OAT: variants seen among roughly 807,000 people sequenced by gnomAD.
The protein encoded by OAT is ornithine aminotransferase, mitochondrial.
A neutral mutation model predicts 48.4 loss-of-function variants in OAT; 35 were observed. That is an observed-to-expected ratio of 0.72 (90% CI 0.55 to 0.96). OAT has a LOEUF of 0.96. OAT is among the 40% of genes least tolerant of loss of function. OAT has a pLI of 0.00. For synonymous variants in OAT, 182 were observed against 198.4 expected (o/e 0.92, Z 0.70); for missense variants, 438 against 537.9 (o/e 0.81, Z 1.84).
intron 1 of OAT, among the ~76,000 whole-genome samples, chr10:124,413,838 T>G (rs557917437): frequency 6.6e-6 from 1 of 152,058 alleles, no homozygotes; most frequent in Non-Finnish European, 1.5e-5. Context: ...CCCCATCACA[T>G]AAGTCAGAGC....
chr10:124,417,307 T>C lies in OAT; in HGVS notation c.-30+1566A>G, dbSNP rs946218723. Reference sequence around the variant, plus strand: ...GCTTTTTTTTTTTTTTTTTTTTTTTTCGAGACGGAGTCTGTCGCCCAGGCT... The same window carrying C: ...GCTTTTTTTTTTTTTTTTTTTTTTTCCGAGACGGAGTCTGTCGCCCAGGCT... On this transcript the variant is annotated intron_variant, in intron 1 of 9. Transcript: ENST00000368845. Among the ~76,000 whole-genome samples the C allele has an allele frequency of 1.4e-3, 194 of 141,416 alleles. 1 individual carries two copies. The highest frequency in any genetic ancestry group is 2.7e-3 in the African/African-American group (104 of 38,578). The allele number at this position is 141,416 out of a possible 152,430, so 92.8% of individuals were successfully genotyped here.
Position 124,405,518 on chromosome 10 carries a change from G to A in OAT, c.566C>T (p.Thr189Ile), listed in dbSNP as rs748602908. 6.2e-7 allele frequency: 1 copy of A among 1,614,136 alleles called. No homozygotes were observed. Among genetic ancestry groups the A allele is most frequent in the South Asian group, 1.1e-5 (1 of 91,084 alleles). Reference sequence around the variant, plus strand: ...AAAACCATCGTAACTGGTTGGGTCTGTGGAACTGGAGATAGCAGACAACGT... The same window carrying A: ...AAAACCATCGTAACTGGTTGGGTCTATGGAACTGGAGATAGCAGACAACGT... The part of the protein sequence containing the change: ...GRTLSAISSS[T>I]DPTSYDGFGP... The change falls in exon 5 of 10, where the codon ACA (threonine) becomes ATA (isoleucine). Residue 189 changes from threonine (T) to isoleucine (I), a missense_variant. Transcript: ENST00000368845.
At chr10:124,408,311 GTGTGTGTATATATA>G (rs1387880517) in intron 4 of OAT, among the ~76,000 whole-genome samples, 4 of 61,610 alleles carry the variant, frequency 6.5e-5, no homozygotes, top group African/African-American at 3.4e-4. Flanking sequence ...GTGTGTGTGT[GTGTGTGTATATATA>G]TATATATATA....
At position 124,397,846 on chromosome 10, in the gene OAT, A is replaced by T. The variant is rs949272716; in HGVS notation, c.*96T>A. ...TCAAAAAAAAAGTTTTTGAAGACTCATGGGAGTGGAATGTGCCCACATTAG... is the reference window on the plus strand; with the variant it reads ...TCAAAAAAAAAGTTTTTGAAGACTCTTGGGAGTGGAATGTGCCCACATTAG... On this transcript the variant is annotated 3_prime_UTR_variant, in exon 10 of 10. Coordinates refer to ENST00000368845, the MANE Select transcript of OAT (RefSeq NM_000274.4). The T allele has an allele frequency of 2.6e-5, 38 of 1,476,596 alleles. 1 individual carries two copies. In the Admixed American group the frequency reaches 5.7e-4, roughly 22 times the overall value. 91.5% of individuals were successfully genotyped at this position (1,476,596 alleles called of 1,614,324 possible).
rs746211632 is a variant in OAT, at chr10:124,401,718, G to A, written c.1014+8C>T. The A allele has an allele frequency of 6.3e-7, 1 of 1,581,802 alleles. No homozygotes were observed. Among genetic ancestry groups the A allele is most frequent in the South Asian group, 1.1e-5 (1 of 90,510 alleles). ...GAATAGACACTGTGTGGCTGTATCA[G>A]TCTTTACCTCAAGGGCTGCGATGGC... On this transcript the variant is annotated splice_region_variant and intron_variant, in intron 8 of 9. Transcript: ENST00000368845.
chr10:124,401,700 C>T lies in OAT; in HGVS notation c.1014+26G>A, dbSNP rs375559605. Reference sequence around the variant, plus strand: ...CTTCAACATTGCTTTAAAGAATAGACACTGTGTGGCTGTATCAGTCTTTAC... The same window carrying T: ...CTTCAACATTGCTTTAAAGAATAGATACTGTGTGGCTGTATCAGTCTTTAC... On this transcript the variant is annotated intron_variant, in intron 8 of 9. Transcript: ENST00000368845. 5.6e-5 allele frequency: 80 copies of T among 1,433,762 alleles called. 1 individual carries two copies. Among genetic ancestry groups the T allele is most frequent in the Non-Finnish European group, 6.8e-5 (69 of 1,016,940 alleles). 88.8% of individuals were successfully genotyped at this position (1,433,762 alleles called of 1,614,324 possible).
chr10:124,408,152 C>G (rs1951635190), intron 4 of OAT, among the ~76,000 whole-genome samples: 1 of 151,782 alleles, frequency 6.6e-6, no homozygotes, highest in South Asian at 2.1e-4. Context: ...GAGGAAATCC[C>G]TCATAAATTT....
chr10:124,410,866 C>T (rs1454448358), intron 2 of OAT, among the ~76,000 whole-genome samples: 1 of 151,572 alleles, frequency 6.6e-6, no homozygotes, highest in African/African-American at 2.4e-5. Context: ...TGTGGCGGGG[C>T]GCGGTGGCTC....
intron 1 of OAT, among the ~76,000 whole-genome samples, chr10:124,416,895 A>G (rs1330638217): frequency 6.6e-6 from 1 of 151,890 alleles, no homozygotes; most frequent in Admixed American, 6.6e-5. Context: ...AAGTTCTACC[A>G]ACAGAAGTCT....
chr10:124,399,338 C>CTTTTTTTTTT (rs937720307), intron 9 of OAT, among the ~76,000 whole-genome samples: 3 of 58,764 alleles, frequency 5.1e-5, no homozygotes, highest in Admixed American at 2.2e-4. Flanking sequence ...CCAGGTGATT[C>CTTTTTTTTTT]TTTTTTTTTT....
chr10:124,399,930 C>A (rs2134447084), intron 9 of OAT, among the ~76,000 whole-genome samples: 1 of 152,136 alleles, frequency 6.6e-6, no homozygotes, highest in African/African-American at 2.4e-5. Context: ...CCAGACTCAC[C>A]AACAAAAAAA....
Position 124,400,831 on chromosome 10 carries a change from T to C in OAT, c.1159+9A>G, listed in dbSNP as rs1250028506. On this transcript the variant is annotated intron_variant, in intron 9 of 9. Transcript: ENST00000368845. ...AAAATTATCTTGAGTAAATGTTTTA[T>C]CTCCATACCTTTGGTTTCTTTAATG... The C allele has an allele frequency of 6.3e-7, 1 of 1,578,702 alleles. No individual in the cohort carries two copies. The highest frequency in any genetic ancestry group is 8.7e-7 in the Non-Finnish European group (1 of 1,152,474).
rs367686138 is a variant in OAT at position 124,401,839 on chromosome 10, C to A, written c.901G>T (p.Val301Leu). The A allele has an allele frequency of 6.2e-7, 1 of 1,605,616 alleles. No homozygotes were observed. Among genetic ancestry groups the A allele is most frequent in the Non-Finnish European group, 8.5e-7 (1 of 1,173,268 alleles). The change falls in exon 8 of 10, where the codon GTG becomes TTG. Residue 301 changes from valine to leucine, a missense_variant and splice_region_variant. Val to Leu is a conservative substitution (Grantham distance 32). Coordinates refer to ENST00000368845, the MANE Select transcript of OAT (RefSeq NM_000274.4). Reference protein sequence around the residue: ...GKALSGGLYPVSAVLCDDDIM... With the variant: ...GKALSGGLYPLSAVLCDDDIM... ...TCATCATCACACAGCACTGCAGACA[C>A]CTGAAAGACAGTCAATTCACCATGT...
chr10:124,404,908 G>A (rs1951528011), intron 5 of OAT, among the ~76,000 whole-genome samples: 1 of 152,190 alleles, frequency 6.6e-6, no homozygotes, highest in Non-Finnish European at 1.5e-5. Flanking sequence ...GTTGGGTGTG[G>A]TGGTGTGTGC....
At chr10:124,405,297 G>C in intron 5 of OAT, 139 bp downstream of exon 5, 1 of 1,279,698 alleles carries the variant, frequency 7.8e-7, no homozygotes, top group Non-Finnish European at 1.1e-6. Context: ...GATCGCTACT[G>C]AGAACAAGTC....
rs1589705539 is a variant in OAT, at chr10:124,405,574, G to A, written c.521-11C>T. On this transcript the variant is annotated splice_polypyrimidine_tract_variant and intron_variant, in intron 4 of 9. Coordinates refer to ENST00000368845, the MANE Select transcript of OAT (RefSeq NM_000274.4). ...CCCAGAAGTTCCCAGCTACAAAGGGGAAACAAACAGTGATTATTTCAAAGA... is the reference window on the plus strand; with the variant it reads ...CCCAGAAGTTCCCAGCTACAAAGGGAAAACAAACAGTGATTATTTCAAAGA... The A allele has an allele frequency of 2.5e-6, 4 of 1,613,458 alleles. No individual in the cohort carries two copies. The highest frequency in any genetic ancestry group is 2.2e-5 in the East Asian group (1 of 44,850).
chr10:124,413,291 CACACACACACACACACACAT>C (rs1358582815), intron 1 of OAT, among the ~76,000 whole-genome samples: 1 of 146,958 alleles, frequency 6.8e-6, no homozygotes, highest in Non-Finnish European at 1.5e-5. Context: ...CACACACACA[CACACACACACACACACACAT>C]ATATGAGATT....
Position 124,398,117 on chromosome 10 carries a change from T to C in OAT, c.1160-15A>G, listed in dbSNP as rs1022211254. On this transcript the variant is annotated splice_polypyrimidine_tract_variant and intron_variant, in intron 9 of 9. Transcript: ENST00000368845. Reference sequence around the variant, plus strand: ...AGCATCCCAATCTAAAGAAAAATAGTAAAACGTACATGCTCAAAGATAAAC... The same window carrying C: ...AGCATCCCAATCTAAAGAAAAATAGCAAAACGTACATGCTCAAAGATAAAC... 1.2e-6 allele frequency: 2 copies of C among 1,613,828 alleles called. No individual in the cohort carries two copies. Among genetic ancestry groups the C allele is most frequent in the East Asian group, 4.5e-5 (2 of 44,888 alleles).
intron 2 of OAT, among the ~76,000 whole-genome samples, chr10:124,409,674 CAT>C (rs1951695985): frequency 6.6e-6 from 1 of 151,960 alleles, no homozygotes; most frequent in Non-Finnish European, 1.5e-5. Context: ...ATTTGTAAAT[CAT>C]GTGTCTGATA....
Sources: allele counts gnomAD v4.1 joint callset (sites outside exome capture counted in the v4.1 genomes callset), GRCh38; gene constraint gnomAD v4.1.1; transcripts MANE v1.5; gene names NCBI Gene and HGNC (gene_info 2026-07-23, HGNC 2026-07-21).